The following OSM variants were observed in gnomAD, a reference collection of about 807,000 sequenced individuals.
OSM encodes the protein oncostatin-M.
Under a neutral mutation model 6.3 loss-of-function variants are expected in OSM, and 1 was observed. That is an observed-to-expected ratio of 0.16 (90% CI 0.06 to 0.76). The LOEUF is 0.76. OSM is among the 30% of genes least tolerant of loss of function. The pLI, the probability that OSM is intolerant of heterozygous loss-of-function variation, is 0.77. For missense variants in OSM, 324 were observed against 336.9 expected (o/e 0.96, Z 0.30); for synonymous variants, 135 against 143.4 (o/e 0.94, Z 0.42).
At chr22:30,265,285 G>A in intron 1 of OSM, 141 bp from the exon 2 acceptor site, 1 of 1,470,964 alleles carries the variant, frequency 6.8e-7, no homozygotes, top group South Asian at 1.3e-5. Context: ...GCTGGGCACT[G>A]TGTGGCACGG....
intron 1 of OSM, 90 bp from the exon 2 acceptor site, chr22:30,265,234 G>A (rs1432374464): frequency 1.3e-6 from 2 of 1,536,872 alleles, no homozygotes; most frequent in Non-Finnish European, 1.8e-6. Context: ...GCCTTGAAAG[G>A]TGCCTCCTTC....
rs1462753000 is a variant in OSM, at chr22:30,263,640, C to T, written c.*243G>A. 4.9e-6 allele frequency: 2 copies of T among 411,366 alleles called. No homozygotes were observed. Among genetic ancestry groups the T allele is most frequent in the Non-Finnish European group, 8.6e-6 (2 of 233,154 alleles). The allele number at this position is 411,366 out of a possible 1,614,324, so 25.5% of individuals were successfully genotyped here. The stretch of plus-strand genomic sequence containing the variant: ...TGGAAAGTCGGTCCCGCGTGGCCCG[C>T]CCGGCCACCCCACTGGGCCTGGGGA... On this transcript the variant is annotated 3_prime_UTR_variant, in exon 3 of 3. Transcript: ENST00000215781.
In OSM at chr22:30,263,957, T is replaced by C; in HGVS notation, c.685A>G (p.Arg229Gly). ...GGTCTGGTCCTGCGCACCCCCTTCCTCAGGGCCTGGTGGGGGCTGTGTCTC... is the reference window on the plus strand; with the variant it reads ...GGTCTGGTCCTGCGCACCCCCTTCCCCAGGGCCTGGTGGGGGCTGTGTCTC... ...SRRHSPHQAL[R>G]KGVRRTRPSR... The change falls in exon 3 of 3, where the codon AGG becomes GGG. Residue 229 changes from arginine to glycine, a missense_variant. By Grantham distance (125) the Arg-to-Gly change is moderately radical. Transcript: ENST00000215781. The C allele has an allele frequency of 6.5e-7, 1 of 1,528,118 alleles. No individual in the cohort carries two copies. Among genetic ancestry groups the C allele is most frequent in the Non-Finnish European group, 8.8e-7 (1 of 1,139,088 alleles). 94.7% of individuals were successfully genotyped at this position (1,528,118 alleles called of 1,614,324 possible).
intron 1 of OSM, among the ~76,000 whole-genome samples, chr22:30,265,989 C>T (rs761493924): frequency 5.9e-5 from 9 of 152,264 alleles, no homozygotes; most frequent in Non-Finnish European, 1.0e-4. Flanking sequence ...GTGACACCAT[C>T]GTTCCCGTCC....
chr22:30,263,871 G>T lies in OSM; in HGVS notation c.*12C>A, dbSNP rs201110857. 2.7e-6 allele frequency: 4 copies of T among 1,490,700 alleles called. No individual in the cohort carries two copies. Among genetic ancestry groups the T allele is most frequent in the Non-Finnish European group, 3.6e-6 (4 of 1,123,112 alleles). The allele number at this position is 1,490,700 out of a possible 1,614,324, so 92.3% of individuals were successfully genotyped here. A position where few individuals can be genotyped will look rare whatever the true frequency, so the allele number is the denominator to read the frequency against. ...CTGCCGCATCCTTCACCGGCAAGGG[G>T]TGCTCTCGAGGCTACCGGGGCAGCT... On this transcript the variant is annotated 3_prime_UTR_variant, in exon 3 of 3. Coordinates refer to ENST00000215781, the MANE Select transcript of OSM (RefSeq NM_020530.6).
chr22:30,263,658 C>T lies in OSM; in HGVS notation c.*225G>A. ...TGGCCCGCCCGGCCACCCCACTGGG[C>T]CTGGGGAACTTGGGGCTGAGGTGGG... On this transcript the variant is annotated 3_prime_UTR_variant, in exon 3 of 3. Coordinates refer to ENST00000215781, the MANE Select transcript of OSM (RefSeq NM_020530.6). The T allele has an allele frequency of 2.4e-6, 1 of 416,912 alleles. No individual in the cohort carries two copies. The highest frequency in any genetic ancestry group is 3.5e-5 in the East Asian group (1 of 28,666). 25.8% of individuals were successfully genotyped at this position (416,912 alleles called of 1,614,324 possible). A position where few individuals can be genotyped will look rare whatever the true frequency, so the allele number is the denominator to read the frequency against.
At position 30,263,997 on chromosome 22, in the gene OSM, G is replaced by A; in HGVS notation, c.645C>T (p.Ser215=). Residue 215 remains serine, a synonymous_variant, in exon 3 of 3, where the codon AGC becomes AGT. Transcript: ENST00000215781. The part of the protein sequence containing the change: ...VGRVFSKWGE[S]PNRSRRHSPH... ...GGCTGTGTCTCCGGCTCCGGTTCGG[G>A]CTCTCCCCCCACTTGCTGAAGACCC... The A allele has an allele frequency of 6.4e-7, 1 of 1,555,004 alleles. No individual in the cohort carries two copies. Among genetic ancestry groups the A allele is most frequent in the Non-Finnish European group, 8.7e-7 (1 of 1,148,946 alleles).
rs5753056 is a variant in OSM at position 30,266,784 on chromosome 22, T to C, written c.16A>G (p.Thr6Ala). 6.2e-7 allele frequency: 1 copy of C among 1,613,256 alleles called. No homozygotes were observed. Among genetic ancestry groups the C allele is most frequent in the Admixed American group, 1.7e-5 (1 of 59,982 alleles). MGVLL[T>A]QRTLLSLVLA... ...TACTTACTGAGCAGCGTCCTCTGTGTGAGCAGTACCCCCATGCTGGGTGCC... is the reference window on the plus strand; with the variant it reads ...TACTTACTGAGCAGCGTCCTCTGTGCGAGCAGTACCCCCATGCTGGGTGCC... The change falls in exon 1 of 3, where the codon ACA becomes GCA. Residue 6 changes from threonine to alanine, a missense_variant. Thr to Ala is a moderately conservative substitution (Grantham distance 58). Coordinates refer to ENST00000215781, the MANE Select transcript of OSM (RefSeq NM_020530.6). This position sits in a 1 kb window ranked among gnomAD's most constrained non-coding sequence, Gnocchi z 5.0.
rs1395064889 is a variant in OSM, at chr22:30,263,042, G to A, written c.*841C>T. 2.0e-5 allele frequency: 3 copies of A among 152,704 alleles called. No homozygotes were observed. The highest frequency in any genetic ancestry group is 4.4e-5 in the Non-Finnish European group (3 of 68,038). The allele number at this position is 152,704 out of a possible 1,614,324, so 9.5% of individuals were successfully genotyped here. On this transcript the variant is annotated 3_prime_UTR_variant, in exon 3 of 3. Coordinates refer to ENST00000215781, the MANE Select transcript of OSM (RefSeq NM_020530.6). ...GAAAATTCCAGGATCCACCACCAGG[G>A]GGAGCAGCCAGCAGCGAGGACCCAA...
rs750902376 is a variant in OSM at position 30,265,117 on chromosome 22, C to T, written c.62G>A (p.Ser21Asn). 1 of 1,614,092 alleles carries T rather than the reference C, an allele frequency of 6.2e-7. No individual in the cohort carries two copies. The highest frequency in any genetic ancestry group is 8.5e-7 in the Non-Finnish European group (1 of 1,179,944). Residue 21 changes from serine (S) to asparagine (N), a missense_variant, in exon 2 of 3, where the codon AGC (serine) becomes AAC (asparagine). Physicochemically the swap from Ser to Asn is conservative, Grantham distance 46. Coordinates refer to ENST00000215781, the MANE Select transcript of OSM (RefSeq NM_020530.6). The stretch of plus-strand genomic sequence containing the variant: ...GCCTATAGCCGCCATGCTCGCCATG[C>T]TTGGAAACAGGAGTGCAAGGACCAG... ...LSLVLALLFP[S>N]MASMAAIGSC...
At chr22:30,265,411 A>AG in intron 1 of OSM, 2 of 1,276,096 alleles carry the variant, frequency 1.6e-6, no homozygotes, top group Non-Finnish European at 2.0e-6. Flanking sequence ...TTTACCAAGT[A>AG]GGTCTTTGAG....
chr22:30,266,085 C>T lies in OSM; in HGVS notation c.34+681G>A, dbSNP rs1290144042. Among the ~76,000 whole-genome samples the T allele has an allele frequency of 2.0e-5, 3 of 152,260 alleles. No individual in the cohort carries two copies. The highest frequency in any genetic ancestry group is 4.4e-5 in the Non-Finnish European group (3 of 68,040). ...CCCAGGCTTAGCGACCCCACGGCACCCTCGCCGCCTCCCCAGGTATCTGCT... is the reference window on the plus strand; with the variant it reads ...CCCAGGCTTAGCGACCCCACGGCACTCTCGCCGCCTCCCCAGGTATCTGCT... On this transcript the variant is annotated intron_variant, in intron 1 of 2. Transcript: ENST00000215781. The surrounding 1 kb of genome is among the most constrained non-coding windows in gnomAD (Gnocchi z 5.0).
At position 30,263,546 on chromosome 22, in the gene OSM, C is replaced by T. The variant is rs202152627; in HGVS notation, c.*337G>A. On this transcript the variant is annotated 3_prime_UTR_variant, in exon 3 of 3. Coordinates refer to ENST00000215781, the MANE Select transcript of OSM (RefSeq NM_020530.6). ...ATGAGAGGGAAGGACCGGCAGGCCTCGGGGAGCAAGGCAGGGGGGCAGTCA... is the reference window on the plus strand; with the variant it reads ...ATGAGAGGGAAGGACCGGCAGGCCTTGGGGAGCAAGGCAGGGGGGCAGTCA... The T allele has an allele frequency of 1.0e-5, 3 of 300,188 alleles. No homozygotes were observed. The highest frequency in any genetic ancestry group is 1.8e-5 in the Non-Finnish European group (3 of 163,200). 18.6% of individuals were successfully genotyped at this position (300,188 alleles called of 1,614,324 possible).
intron 1 of OSM, chr22:30,265,452 T>A: frequency 8.7e-7 from 1 of 1,150,736 alleles, no homozygotes; most frequent in Non-Finnish European, 1.1e-6. Flanking sequence ...CGGATCCCAG[T>A]CCTGCCTACA....
intron 1 of OSM, 188 bp from the exon 2 acceptor site, chr22:30,265,332 C>A (rs1457601196): frequency 1.0e-6 from 1 of 985,386 alleles, no homozygotes; most frequent in Non-Finnish European, 1.2e-6. Flanking sequence ...CCACCATCAT[C>A]TCCCCAGTAA....
At position 30,263,845 on chromosome 22, in the gene OSM, C is replaced by T. The variant is rs200187309; in HGVS notation, c.*38G>A. On this transcript the variant is annotated 3_prime_UTR_variant, in exon 3 of 3. Transcript: ENST00000215781. The stretch of plus-strand genomic sequence containing the variant: ...GATGGTTCCTCTCATCCACAGAGCA[C>T]CTGCCGCATCCTTCACCGGCAAGGG... The T allele has an allele frequency of 4.7e-5, 69 of 1,453,856 alleles. 1 individual carries two copies. Among genetic ancestry groups the T allele is most frequent in the South Asian group, 4.6e-4 (32 of 70,188 alleles). The allele number at this position is 1,453,856 out of a possible 1,614,324, so 90.1% of individuals were successfully genotyped here. A position where few individuals can be genotyped will look rare whatever the true frequency, so the allele number is the denominator to read the frequency against.
In OSM at chr22:30,263,222, G is replaced by A. The variant is rs201700895; in HGVS notation, c.*661C>T. On this transcript the variant is annotated 3_prime_UTR_variant, in exon 3 of 3. Coordinates refer to ENST00000215781, the MANE Select transcript of OSM (RefSeq NM_020530.6). Reference sequence around the variant, plus strand: ...GCAACCGACAGGCAGTGGGGGCCTTGTACAGCCTCTAACTCCCTAGCTTCA... The same window carrying A: ...GCAACCGACAGGCAGTGGGGGCCTTATACAGCCTCTAACTCCCTAGCTTCA... 2.4e-4 allele frequency: 36 copies of A among 152,826 alleles called. No individual in the cohort carries two copies. The highest frequency in any genetic ancestry group is 8.0e-4 in the African/African-American group (33 of 41,462). The allele number at this position is 152,826 out of a possible 1,614,324, so 9.5% of individuals were successfully genotyped here.
Position 30,263,929 on chromosome 22 carries a change from G to T in OSM, c.713C>A (p.Ser238Tyr). 6.6e-7 allele frequency: 1 copy of T among 1,511,168 alleles called. No individual in the cohort carries two copies. 93.6% of individuals were successfully genotyped at this position (1,511,168 alleles called of 1,614,324 possible). Residue 238 changes from serine to tyrosine, a missense_variant, in exon 3 of 3, where the codon TCC (serine) becomes TAC (tyrosine). Physicochemically the swap from Ser to Tyr is moderately radical, Grantham distance 144 (BLOSUM62 -2). Coordinates refer to ENST00000215781, the MANE Select transcript of OSM (RefSeq NM_020530.6). ...LRKGVRRTRP[S>Y]RKGKRLMTRG... is the part of the protein sequence containing the mutation. Reference sequence around the variant, plus strand: ...GGTCATGAGTCTCTTGCCTTTCCTGGAGGGTCTGGTCCTGCGCACCCCCTT... The same window carrying T: ...GGTCATGAGTCTCTTGCCTTTCCTGTAGGGTCTGGTCCTGCGCACCCCCTT...
At chr22:30,264,667 C>T (rs1929344525) in intron 2 of OSM, among the ~76,000 whole-genome samples, 2 of 152,118 alleles carry the variant, frequency 1.3e-5, no homozygotes, top group Non-Finnish European at 2.9e-5. Flanking sequence ...GGTGGGATGC[C>T]CGTGGGGAAT....
Sources: gnomAD v4.1 joint callset for allele counts (sites outside exome capture counted in the v4.1 genomes callset) on GRCh38, gnomAD v4.1.1 for gene constraint, Gnocchi (gnomAD v3.1) non-coding constraint, MANE v1.5 for transcripts, NCBI Gene and HGNC (gene_info 2026-07-23, HGNC 2026-07-21) for gene names.